The following UBP1 variants were observed in gnomAD, a reference collection of about 807,000 sequenced individuals.
UBP1 encodes the protein upstream binding protein 1, also known as upstream-binding protein 1.
Under a neutral mutation model 76.1 loss-of-function variants are expected in UBP1, and 22 were observed. The ratio of observed to expected loss-of-function variants is 0.29; its 90% CI spans 0.21 to 0.41. The LOEUF (loss-of-function observed/expected upper bound fraction) is 0.41, where lower values mean the gene tolerates loss of function less well. UBP1 is among the 10% of genes least tolerant of loss of function. UBP1 has a pLI of 1.00. For synonymous variants in UBP1, 224 were observed against 237.1 expected (o/e 0.94, Z 0.51); for missense variants, 436 against 668.1 (o/e 0.65, Z 3.83).
At chr3:33,407,108 T>C (rs2044447641) in intron 8 of UBP1, among the ~76,000 whole-genome samples, 1 of 152,182 alleles carries the variant, frequency 6.6e-6, no homozygotes, top group Non-Finnish European at 1.5e-5. Context: ...ATCTGTACCC[T>C]GCATTTTTAA....
intron 2 of UBP1, among the ~76,000 whole-genome samples, chr3:33,418,610 G>A (rs183332612): frequency 6.6e-6 from 1 of 151,884 alleles, no homozygotes; most frequent in East Asian, 2.0e-4. Flanking sequence ...TGTAATCCCA[G>A]CACTTTGGGA....
At chr3:33,440,676 C>T (rs751900247), upstream of UBP1, 6 of 152,330 alleles carry the variant, frequency 3.9e-5, no homozygotes, top group African/African-American at 7.2e-5. Context: ...CTGAGCAATA[C>T]CTGCAAGGGC....
intron 14 of UBP1, 170 bp downstream of exon 14, chr3:33,393,142 G>T: frequency 1.4e-6 from 1 of 718,786 alleles, no homozygotes; most frequent in Non-Finnish European, 2.1e-6. Context: ...ATTATCACTA[G>T]GATGCCTGAA....
At chr3:33,438,951 C>T (rs905731493) in intron 1 of UBP1, among the ~76,000 whole-genome samples, 2 of 152,178 alleles carry the variant, frequency 1.3e-5, no homozygotes, top group African/African-American at 4.8e-5. Flanking sequence ...CAAGTCAACG[C>T]TATGGTAAAC....
chr3:33,391,580 G>A (rs1262558873), intron 15 of UBP1: 1 of 152,278 alleles, frequency 6.6e-6, no homozygotes, highest in African/African-American at 2.4e-5. Context: ...ACTCTTGGTT[G>A]ATTTACCCCA....
chr3:33,405,892 TC>T (rs2044406698), intron 8 of UBP1, among the ~76,000 whole-genome samples: 1 of 152,198 alleles, frequency 6.6e-6, no homozygotes, highest in African/African-American at 2.4e-5. Context: ...AAAACGCTTG[TC>T]TGACATCCAT....
intron 12 of UBP1, 52 bp downstream of exon 12, chr3:33,396,993 C>T (rs921922798): frequency 1.2e-5 from 18 of 1,527,622 alleles, no homozygotes; most frequent in South Asian, 4.6e-5. Context: ...AAATTCCCCA[C>T]GCGAAGAAAG....
At chr3:33,394,712 T>G (rs2154054802) in intron 13 of UBP1, among the ~76,000 whole-genome samples, 1 of 152,018 alleles carries the variant, frequency 6.6e-6, no homozygotes, top group African/African-American at 2.4e-5. Context: ...AATTTTCCAT[T>G]ACATAAAAGA....
intron 3 of UBP1, 114 bp from the exon 4 acceptor site, chr3:33,412,941 T>C: frequency 1.6e-6 from 1 of 640,236 alleles, no homozygotes; most frequent in Non-Finnish European, 2.8e-6. Context: ...AACTAGATTC[T>C]GTTTTAAACA....
chr3:33,437,551 C>CA (rs1326628198), intron 1 of UBP1, among the ~76,000 whole-genome samples: 1 of 152,216 alleles, frequency 6.6e-6, no homozygotes, highest in Non-Finnish European at 1.5e-5. Flanking sequence ...AAAGCAAATA[C>CA]AGTAAGCATG....
At chr3:33,394,467 T>C (rs749677970) in intron 13 of UBP1, among the ~76,000 whole-genome samples, 3 of 151,982 alleles carry the variant, frequency 2.0e-5, no homozygotes, top group Non-Finnish European at 4.4e-5. Flanking sequence ...TATGAAAAGC[T>C]AATATAAACA....
chr3:33,409,311 T>G lies in UBP1; in HGVS notation c.744A>C (p.Arg248=), dbSNP rs749163287. 1.9e-6 allele frequency: 3 copies of G among 1,614,096 alleles called. No homozygotes were observed. Among genetic ancestry groups the G allele is most frequent in the Non-Finnish European group, 2.5e-6 (3 of 1,180,040 alleles). ...KGADRKQKTD[R]EKMEKRTAHE... ...GAGCTGTTCTCTTCTCCATCTTCTCTCGGTCAGTTTTTTGTTTCCTGTCTG... is the reference window on the plus strand; with the variant it reads ...GAGCTGTTCTCTTCTCCATCTTCTCGCGGTCAGTTTTTTGTTTCCTGTCTG... The change falls in exon 7 of 16, where the codon CGA becomes CGC. Residue 248 remains arginine, a synonymous_variant. Transcript: ENST00000283629.
At chr3:33,406,592 T>C (rs905506538) in intron 8 of UBP1, among the ~76,000 whole-genome samples, 4 of 152,226 alleles carry the variant, frequency 2.6e-5, no homozygotes, top group African/African-American at 9.6e-5. Flanking sequence ...GGCAGAGTAA[T>C]GTAGAAACAC....
intron 11 of UBP1, chr3:33,397,416 G>T (rs537027917): frequency 4.3e-6 from 1 of 234,574 alleles, no homozygotes; most frequent in East Asian, 8.2e-5. Context: ...CCCGATATAG[G>T]ATTTCACTCA....
intron 1 of UBP1, among the ~76,000 whole-genome samples, chr3:33,428,640 A>G (rs999150828): frequency 6.6e-6 from 1 of 152,100 alleles, no homozygotes; most frequent in Non-Finnish European, 1.5e-5. Context: ...TGTAAAGATT[A>G]TTTGCTATTG....
chr3:33,408,898 GACTA>G (rs1425648805), intron 7 of UBP1, 101 bp from the exon 8 acceptor site: 1 of 1,079,288 alleles, frequency 9.3e-7, no homozygotes, highest in East Asian at 2.4e-5. Context: ...ACAAATGCAT[GACTA>G]ACAGGATTCA....
At position 33,395,750 on chromosome 3, in the gene UBP1, GAAAAAAAAAAA is replaced by G. The variant is rs61654235; in HGVS notation, c.1390+401_1390+411del. ...CTCCCCATACCTAGTCAGGAAAATT[GAAAAAAAAAAA>G]AAAAAAAAAAAAGAAAAAGGAAAGA... On this transcript the variant is annotated intron_variant, in intron 13 of 15. Coordinates refer to ENST00000283629, the MANE Select transcript of UBP1 (RefSeq NM_014517.5). Among the ~76,000 whole-genome samples the G allele has an allele frequency of 9.0e-4, 63 of 69,796 alleles. 1 individual carries two copies. Among genetic ancestry groups the G allele is most frequent in the African/African-American group, 3.6e-3 (58 of 15,988 alleles). 45.8% of individuals were successfully genotyped at this position (69,796 alleles called of 152,430 possible).
chr3:33,432,721 T>G (rs1244950462), intron 1 of UBP1, among the ~76,000 whole-genome samples: 2 of 152,216 alleles, frequency 1.3e-5, no homozygotes, highest in African/African-American at 2.4e-5. Context: ...CTAAAAATTG[T>G]TACAGGACAC....
chr3:33,427,210 C>T (rs1209850346), intron 1 of UBP1, among the ~76,000 whole-genome samples: 1 of 152,246 alleles, frequency 6.6e-6, no homozygotes, highest in African/African-American at 2.4e-5. Flanking sequence ...AGTGATCCGC[C>T]CGCCTCAGCC....
Sources: allele counts gnomAD v4.1 joint callset (sites outside exome capture counted in the v4.1 genomes callset), GRCh38; gene constraint gnomAD v4.1.1; transcripts MANE v1.5; gene names NCBI Gene and HGNC (gene_info 2026-07-23, HGNC 2026-07-21).